ATF7IP: variants seen among roughly 807,000 people sequenced by gnomAD.
ATF7IP encodes activating transcription factor 7 interacting protein.
In ATF7IP, 23 loss-of-function variants were observed where a neutral mutation model predicts 106.4. The ratio of observed to expected loss-of-function variants is 0.22; its 90% CI spans 0.16 to 0.31. The LOEUF is 0.31. ATF7IP is among the 10% of genes least tolerant of loss of function. ATF7IP has a pLI of 1.00. For synonymous variants in ATF7IP, 542 were observed against 539.0 expected (o/e 1.01, Z -0.08); for missense variants, 1,334 against 1,524.3 (o/e 0.88, Z 2.08).
At position 14,494,332 on chromosome 12, in the gene ATF7IP, T is replaced by TATATATTC. The variant is rs1158646205; in HGVS notation, c.3281-1897_3281-1896insATATTCAT. Among the ~76,000 whole-genome samples, 24 of 115,764 alleles carry TATATATTC rather than the reference T, an allele frequency of 2.1e-4. 1 individual carries two copies. Among genetic ancestry groups the TATATATTC allele is most frequent in the Non-Finnish European group, 2.9e-4 (16 of 55,518 alleles). 75.9% of individuals were successfully genotyped at this position (115,764 alleles called of 152,430 possible). A position where few individuals can be genotyped will look rare whatever the true frequency, so the allele number is the denominator to read the frequency against. On this transcript the variant is annotated intron_variant, in intron 13 of 14. Transcript: ENST00000261168. ...ATATATATATATATATATATATATA[T>TATATATTC]ATGTGTGTGTGTATATGTATATATA...
intron 13 of ATF7IP, among the ~76,000 whole-genome samples, chr12:14,492,962 T>A (rs2136864433): frequency 6.6e-6 from 1 of 152,354 alleles, no homozygotes; most frequent in South Asian, 2.1e-4. Context: ...GCAGCTGGGA[T>A]GACTAGCTCT....
intron 4 of ATF7IP, among the ~76,000 whole-genome samples, chr12:14,437,553 A>G (rs909754486): frequency 2.0e-5 from 3 of 152,172 alleles, no homozygotes; most frequent in Non-Finnish European, 4.4e-5. Context: ...GTATGTGCCA[A>G]TGTCTTTGTT....
rs1431647451 is a variant in ATF7IP, at chr12:14,475,987, T to A, written c.2941+19T>A. On this transcript the variant is annotated intron_variant, in intron 11 of 14. Transcript: ENST00000261168. ...TCACAAGGTACTTCAATAGTAATTG[T>A]ACTAAGCAACGTTTTGATACCATTT... The A allele has an allele frequency of 5.0e-6, 8 of 1,594,102 alleles. No homozygotes were observed. The highest frequency in any genetic ancestry group is 6.0e-6 in the Non-Finnish European group (7 of 1,161,910).
At chr12:14,371,950 G>A (rs1938549501) in intron 1 of ATF7IP, among the ~76,000 whole-genome samples, 2 of 151,942 alleles carry the variant, frequency 1.3e-5, no homozygotes, top group South Asian at 2.1e-4. Context: ...AACAGTTGTG[G>A]GGCATATTAT....
At chr12:14,453,990 G>A (rs999051978) in intron 6 of ATF7IP, among the ~76,000 whole-genome samples, 4 of 152,080 alleles carry the variant, frequency 2.6e-5, no homozygotes, top group Non-Finnish European at 4.4e-5. Context: ...TGTTACTTTA[G>A]GGTTGGTTTT....
intron 1 of ATF7IP, among the ~76,000 whole-genome samples, chr12:14,386,907 G>C (rs1234134238): frequency 7.9e-5 from 12 of 152,096 alleles, no homozygotes; most frequent in Non-Finnish European, 1.3e-4. Flanking sequence ...AGATCTATAT[G>C]TACATGACTT....
At chr12:14,483,951 G>A (rs1237119837) in intron 13 of ATF7IP, among the ~76,000 whole-genome samples, 1 of 152,096 alleles carries the variant, frequency 6.6e-6, no homozygotes, top group Non-Finnish European at 1.5e-5. Flanking sequence ...GGCATTCTGT[G>A]AGTCCATGGA....
chr12:14,497,832 C>A lies in ATF7IP; in HGVS notation c.3572C>A (p.Ala1191Asp). 27 of 1,614,102 alleles carry A rather than the reference C, an allele frequency of 1.7e-5. No homozygotes were observed. Among genetic ancestry groups the A allele is most frequent in the Non-Finnish European group, 2.3e-5 (27 of 1,180,012 alleles). ...WSVLEVDRSC[A>D]TVDSYHLYAY... is the part of the protein sequence containing the mutation. ...GTCCTGGAGGTGGATCGAAGCTGTG[C>A]CACTGTTGATAGCTACCATCTCTAT... Residue 1191 changes from alanine (A) to aspartate (D), a missense_variant, in exon 15 of 15, where the codon GCC becomes GAC. This residue lies in a region of ATF7IP where 80 missense variants were observed against 157.0 expected (regional missense o/e 0.51). Coordinates refer to ENST00000261168, the MANE Select transcript of ATF7IP (RefSeq NM_018179.5).
intron 8 of ATF7IP, 143 bp downstream of exon 8, chr12:14,457,438 G>A: frequency 1.6e-6 from 1 of 631,686 alleles, no homozygotes; most frequent in Non-Finnish European, 2.7e-6. Context: ...AAAAATTCAG[G>A]ATCAAACTGG....
At chr12:14,491,019 C>T (rs571697316) in intron 13 of ATF7IP, among the ~76,000 whole-genome samples, 1 of 152,298 alleles carries the variant, frequency 6.6e-6, no homozygotes, top group East Asian at 1.9e-4. Context: ...CAGGGCTTTG[C>T]TCCAAAGTCC....
At chr12:14,486,222 C>A (rs560654592) in intron 13 of ATF7IP, among the ~76,000 whole-genome samples, 22 of 152,170 alleles carry the variant, frequency 1.4e-4, no homozygotes, top group Non-Finnish European at 2.8e-4. Flanking sequence ...AATTATCTGA[C>A]CTCCATAAGC....
At chr12:14,492,671 A>G (rs1466844056) in intron 13 of ATF7IP, among the ~76,000 whole-genome samples, 1 of 152,238 alleles carries the variant, frequency 6.6e-6, no homozygotes, top group Admixed American at 6.5e-5. Flanking sequence ...CCAGAGATCT[A>G]TACAAGTCAG....
chr12:14,378,905 TC>T (rs1938883170), intron 1 of ATF7IP, among the ~76,000 whole-genome samples: 1 of 152,224 alleles, frequency 6.6e-6, no homozygotes, highest in East Asian at 1.9e-4. Context: ...ACACAATTCC[TC>T]AGGTATGGTG....
At position 14,434,419 on chromosome 12, in the gene ATF7IP, G is replaced by A. The variant is rs151223624; in HGVS notation, c.1641G>A (p.Glu547=). 1.9e-6 allele frequency: 3 copies of A among 1,546,686 alleles called. No homozygotes were observed. The highest frequency in any genetic ancestry group is 2.7e-5 in the African/African-American group (2 of 73,638). ...ATGAAGATGATGAAAGACCTTCTGA[G>A]AAAAGTATGCATGTATAAACAAACT... The part of the protein sequence containing the change: ...VIHEDDERPS[E]KNEFSRRKRS... Residue 547 remains glutamate (E), a synonymous_variant, in exon 3 of 15, where the codon GAG becomes GAA. Transcript: ENST00000261168.
At chr12:14,494,178 C>T (rs1443242353) in intron 13 of ATF7IP, among the ~76,000 whole-genome samples, 1 of 149,542 alleles carries the variant, frequency 6.7e-6, no homozygotes, top group Non-Finnish European at 1.5e-5. Context: ...ACTCCAGAAA[C>T]CCCAAAACCA....
At chr12:14,458,277 A>G (rs1207409930) in intron 8 of ATF7IP, among the ~76,000 whole-genome samples, 1 of 152,160 alleles carries the variant, frequency 6.6e-6, no homozygotes, top group Non-Finnish European at 1.5e-5. Context: ...AGACATTAAG[A>G]CAGCTAAAGA....
intron 1 of ATF7IP, among the ~76,000 whole-genome samples, chr12:14,402,853 C>T (rs907245986): frequency 4.6e-5 from 7 of 152,158 alleles, no homozygotes; most frequent in South Asian, 2.1e-4. Context: ...CCACCTCACC[C>T]TTCCAAAGTA....
At chr12:14,446,963 T>A in intron 5 of ATF7IP, 25 bp from the exon 6 acceptor site, 1 of 1,476,876 alleles carries the variant, frequency 6.8e-7, no homozygotes, top group Non-Finnish European at 8.9e-7. Flanking sequence ...TTTCCATTCA[T>A]TTTTGTCTTT....
intron 1 of ATF7IP, among the ~76,000 whole-genome samples, chr12:14,399,577 GA>G (rs1159768436): frequency 6.6e-6 from 1 of 151,240 alleles, no homozygotes; most frequent in Non-Finnish European, 1.5e-5. Context: ...CAGCTTTGCT[GA>G]TTTTTTTTAA....
Sources: allele counts gnomAD v4.1 joint callset (sites outside exome capture counted in the v4.1 genomes callset), GRCh38; gene constraint gnomAD v4.1.1; regional missense constraint gnomAD v4.1.1; transcripts MANE v1.5; gene names NCBI Gene and HGNC (gene_info 2026-07-23, HGNC 2026-07-21).